The following C4orf50 variants were observed in gnomAD, a reference collection of about 807,000 sequenced individuals.
The protein encoded by C4orf50 is chromosome 4 open reading frame 50.
C4orf50 carries 80 observed loss-of-function variants against 77.2 expected under a neutral mutation model. The ratio of observed to expected loss-of-function variants is 1.04; its 90% CI spans 0.87 to 1.25. C4orf50 has a LOEUF of 1.25. Ranked by LOEUF, C4orf50 falls within the 50% of genes most tolerant of loss-of-function variation. The pLI is 0.00. For synonymous variants in C4orf50, 532 were observed against 465.3 expected, an observed-to-expected ratio of 1.14 and a Z score of -1.84; for missense variants, 1,257 against 1,152.9, an observed-to-expected ratio of 1.09 and a Z score of -1.31.
intron 7 of C4orf50, among the ~76,000 whole-genome samples, chr4:5,934,337 G>T (rs1386421861): frequency 6.6e-6 from 1 of 152,212 alleles, no homozygotes; most frequent in Non-Finnish European, 1.5e-5. Context: ...ATTGCCTGCA[G>T]ATTCCTCTGC....
At position 5,964,959 on chromosome 4, in the gene C4orf50, G is replaced by T. The variant is rs1043854452; in HGVS notation, c.4275+65C>A. On this transcript the variant is annotated intron_variant, in intron 33 of 33. Transcript: ENST00000531445. ...TATCGCTTGGATAATTTGCTAAGCT[G>T]TAAATGTGTTGTACTTTCAATAACA... 2.6e-6 allele frequency: 4 copies of T among 1,525,744 alleles called. No homozygotes were observed. In the African/African-American group the frequency reaches 5.5e-5, roughly 21 times the overall value. The allele number at this position is 1,525,744 out of a possible 1,614,324, so 94.5% of individuals were successfully genotyped here.
intron 25 of C4orf50, among the ~76,000 whole-genome samples, chr4:6,004,354 G>A (rs1722123328): frequency 5.0e-4 from 8 of 15,928 alleles, no homozygotes; most frequent in Non-Finnish European, 1.0e-3. Flanking sequence ...GATGATGACG[G>A]TGATGGTGAT....
chr4:5,947,657 G>A (rs76666020), intron 7 of C4orf50, among the ~76,000 whole-genome samples: 3,223 of 152,088 alleles, frequency 0.021, 51 homozygotes, highest in African/African-American at 0.04. Context: ...CACACTCACA[G>A]CCCTTCCTTT....
chr4:5,975,602 C>T (rs995733592), intron 30 of C4orf50, among the ~76,000 whole-genome samples: 8 of 152,048 alleles, frequency 5.3e-5, no homozygotes, highest in African/African-American at 1.9e-4. Flanking sequence ...GCCTTGACCT[C>T]CTGGGTTCAA....
chr4:5,973,639 G>A lies in C4orf50; in HGVS notation c.4104+20C>T. The A allele has an allele frequency of 6.3e-7, 1 of 1,595,240 alleles. No individual in the cohort carries two copies. Among genetic ancestry groups the A allele is most frequent in the Non-Finnish European group, 8.6e-7 (1 of 1,166,946 alleles). ...ACACTCCCATAGGAAGCACAGACAG[G>A]GCCATCTCTGGGACTCTACCTCTGG... On this transcript the variant is annotated intron_variant, in intron 31 of 33. Coordinates refer to ENST00000531445, the Ensembl canonical transcript of C4orf50.
chr4:5,973,839 G>T lies in C4orf50; in HGVS notation c.3924C>A (p.Ala1308=), dbSNP rs745943749. ...ACTTCCGGACGAGGGAAGCTATCTT[G>T]GCCTGAAAGGGAGGGAGGCCATGGA... Residue 1308 remains alanine, a splice_region_variant and synonymous_variant, in exon 31 of 34, where the codon GCC becomes GCA. Transcript: ENST00000531445. 7 of 1,608,166 alleles carry T rather than the reference G, an allele frequency of 4.4e-6. No homozygotes were observed. In the Middle Eastern group the frequency reaches 5.0e-4, roughly 114 times the overall value.
Position 5,932,702 on chromosome 4 carries a change from A to G in C4orf50, c.*2474+24199T>C, listed in dbSNP as rs1220790925. On this transcript the variant is annotated intron_variant, in intron 7 of 7. Coordinates refer to the C4orf50 transcript ENST00000324058. The surrounding 1 kb of genome is among the most constrained non-coding windows in gnomAD (Gnocchi z 4.2). The stretch of plus-strand genomic sequence containing the variant: ...GGCAATTCTCTTACCTCAGCCTCCC[A>G]AAGTGCTGAGATAACAGGTGTGAGT... Among the ~76,000 whole-genome samples, 1 of 152,156 alleles carries G rather than the reference A, an allele frequency of 6.6e-6. No individual in the cohort carries two copies. Among genetic ancestry groups the G allele is most frequent in the Non-Finnish European group, 1.5e-5 (1 of 68,022 alleles).
intron 7 of C4orf50, among the ~76,000 whole-genome samples, chr4:5,922,472 G>A (rs763527571): frequency 8.5e-5 from 13 of 152,148 alleles, no homozygotes; most frequent in South Asian, 4.1e-4. Flanking sequence ...CTAGGTGCTG[G>A]GCCCTGCATC....
intron 7 of C4orf50, among the ~76,000 whole-genome samples, chr4:5,921,226 G>T (rs1577888655): frequency 1.3e-5 from 2 of 152,310 alleles, no homozygotes; most frequent in East Asian, 3.9e-4. Context: ...GCTTGATGAT[G>T]TGTCATCCTC....
At chr4:5,987,421 A>AAAAAAAAAAAAAAAAAAAAAAAG (rs1720932120) in intron 28 of C4orf50, among the ~76,000 whole-genome samples, 1 of 149,574 alleles carries the variant, frequency 6.7e-6, no homozygotes, top group African/African-American at 2.4e-5. Context: ...ACAAAAAAAA[A>AAAAAAAAAAAAAAAAAAAAAAAG]AAAAAAAAAA....
intron 27 of C4orf50, among the ~76,000 whole-genome samples, chr4:5,991,561 C>T (rs1459271750): frequency 2.0e-5 from 3 of 152,214 alleles, no homozygotes; most frequent in African/African-American, 7.2e-5. Flanking sequence ...CAGCTCACAG[C>T]AGAGGCCCCA....
exon 28 of C4orf50, chr4:5,989,399 T>C: frequency 6.5e-7 from 1 of 1,536,078 alleles, no homozygotes; most frequent in Non-Finnish European, 8.7e-7. Flanking sequence ...AGGGCCGTGG[T>C]CTTTCCCGGC....
Position 5,958,872 on chromosome 4 carries a change from T to G in C4orf50, c.*503A>C, listed in dbSNP as rs1719113409. ...ACAAAACAATTCTCCATGGCTGATCTTGTTGGGAGCTATGAGATCCGTCCT... is the reference window on the plus strand; with the variant it reads ...ACAAAACAATTCTCCATGGCTGATCGTGTTGGGAGCTATGAGATCCGTCCT... On this transcript the variant is annotated 3_prime_UTR_variant, in exon 34 of 34. Transcript: ENST00000531445. This position sits in a 1 kb window ranked among gnomAD's most constrained non-coding sequence, Gnocchi z 5.4. The G allele has an allele frequency of 6.5e-6, 1 of 152,922 alleles. No individual in the cohort carries two copies. The highest frequency in any genetic ancestry group is 2.1e-4 in the South Asian group (1 of 4,856). The allele number at this position is 152,922 out of a possible 1,614,324, so 9.5% of individuals were successfully genotyped here. A position where few individuals can be genotyped will look rare whatever the true frequency, so the allele number is the denominator to read the frequency against.
exon 31 of C4orf50, chr4:5,973,812 G>A (rs925061974): frequency 2.5e-6 from 4 of 1,612,804 alleles, no homozygotes; most frequent in African/African-American, 1.3e-5. Flanking sequence ...TCCTCTCCCG[G>A]CACTTCCGGA....
intron 33 of C4orf50, among the ~76,000 whole-genome samples, chr4:5,964,377 C>A (rs1719434484): frequency 6.6e-6 from 1 of 152,102 alleles, no homozygotes. Flanking sequence ...GATGACCTGC[C>A]CTGAGCAGAA....
rs1246958367 is a variant in C4orf50, at chr4:5,966,037, G to A, written c.4154-892C>T. ...AACAGATCCTTGGGAGCCCCATCCC[G>A]CCCCCACGCTGAGGGTAGTAAGCTG... On this transcript the variant is annotated intron_variant, in intron 32 of 33. Transcript: ENST00000531445. 2.0e-5 allele frequency among the ~76,000 whole-genome samples: 3 copies of A among 152,188 alleles called. No homozygotes were observed. The East Asian group carries it at 5.8e-4, about 29-fold the overall frequency.
intron 32 of C4orf50, among the ~76,000 whole-genome samples, chr4:5,966,564 T>C (rs1719579063): frequency 1.3e-5 from 2 of 151,978 alleles, no homozygotes; most frequent in African/African-American, 4.8e-5. Context: ...GGCAAATGTT[T>C]TAGGTGCTGT....
intron 31 of C4orf50, among the ~76,000 whole-genome samples, chr4:5,973,355 A>C (rs954347429): frequency 2.0e-5 from 3 of 152,166 alleles, no homozygotes; most frequent in Non-Finnish European, 2.9e-5. Flanking sequence ...GGCACAAAAG[A>C]CCCATCCTGT....
At chr4:5,980,012 G>A (rs1441975468) in intron 29 of C4orf50, among the ~76,000 whole-genome samples, 162 bp downstream of exon 7, 1 of 150,808 alleles carries the variant, frequency 6.6e-6, no homozygotes, top group Non-Finnish European at 1.5e-5. Flanking sequence ...GTGGTTTTTT[G>A]TTGTTTTTTT....
Sources: allele counts gnomAD v4.1 joint callset (sites outside exome capture counted in the v4.1 genomes callset), GRCh38; gene constraint gnomAD v4.1.1; non-coding constraint Gnocchi (gnomAD v3.1); transcripts MANE v1.5; gene names NCBI Gene and HGNC (gene_info 2026-07-23, HGNC 2026-07-21).